The following DAB1 variants were observed in gnomAD, a reference collection of about 807,000 sequenced individuals.
DAB1 encodes disabled homolog 1.
Under a neutral mutation model 64.6 loss-of-function variants are expected in DAB1, and 15 were observed. The ratio of observed to expected loss-of-function variants is 0.23; its 90% CI spans 0.16 to 0.36. DAB1 has a LOEUF of 0.36. DAB1 is among the 10% of genes least tolerant of loss of function. DAB1 has a pLI of 1.00. For missense variants in DAB1, 596 were observed against 706.7 expected, an observed-to-expected ratio of 0.84 and a Z score of 1.78; for synonymous variants, 235 against 251.9, an observed-to-expected ratio of 0.93 and a Z score of 0.64.
intron 3 of DAB1, among the ~76,000 whole-genome samples, chr1:58,479,080 T>G (rs182026003): frequency 1.3e-5 from 2 of 152,340 alleles, no homozygotes; most frequent in African/African-American, 4.8e-5. Flanking sequence ...CTTTCTGACA[T>G]GGTGTCAACT....
chr1:58,481,273 T>C, intron 3 of DAB1: 2 of 448,824 alleles, frequency 4.5e-6, no homozygotes, highest in Non-Finnish European at 3.8e-6. Flanking sequence ...AAACAAAGAA[T>C]GTATTGTTAT....
At chr1:58,337,240 C>G (rs1663139455) in intron 4 of DAB1, among the ~76,000 whole-genome samples, 1 of 150,780 alleles carries the variant, frequency 6.6e-6, no homozygotes, top group African/African-American at 2.4e-5. Context: ...AGAGATCATG[C>G]CACTGCACTC....
chr1:57,026,433 G>T (rs1646791257), intron 9 of DAB1, among the ~76,000 whole-genome samples: 1 of 152,118 alleles, frequency 6.6e-6, no homozygotes, highest in South Asian at 2.1e-4. Context: ...CATACAACTT[G>T]CCTTCCATGT....
intron 14 of DAB1, among the ~76,000 whole-genome samples, chr1:57,010,222 A>T (rs1233337942): frequency 6.6e-6 from 1 of 152,142 alleles, no homozygotes; most frequent in Admixed American, 6.5e-5. Flanking sequence ...CTCACTGAGA[A>T]ATTATCAGGG....
chr1:57,107,596 A>G (rs1345202810), intron 4 of DAB1, among the ~76,000 whole-genome samples: 1 of 152,038 alleles, frequency 6.6e-6, no homozygotes, highest in Non-Finnish European at 1.5e-5. Flanking sequence ...AAAAGCTTGG[A>G]TCAGTCCAGA....
intron 6 of DAB1, among the ~76,000 whole-genome samples, chr1:57,740,043 C>CAAAAAAAAAA (rs1647904135): frequency 1.5e-5 from 1 of 64,848 alleles, no homozygotes; most frequent in Non-Finnish European, 3.2e-5. Context: ...ACTACTACTA[C>CAAAAAAAAAA]TACAAAAAAA....
chr1:58,056,424 C>A (rs781319989), intron 5 of DAB1: 10 of 1,554,846 alleles, frequency 6.4e-6, no homozygotes, highest in Admixed American at 1.7e-5. Context: ...AGCGAATAGG[C>A]TGCACGTGGC....
At chr1:57,868,258 C>A (rs1005685879) in intron 1 of DAB1, among the ~76,000 whole-genome samples, 1 of 152,092 alleles carries the variant, frequency 6.6e-6, no homozygotes, top group Non-Finnish European at 1.5e-5. Flanking sequence ...ATAAGCTCTG[C>A]GTGGTTTTGA....
chr1:57,178,927 A>C (rs950594044), intron 2 of DAB1, among the ~76,000 whole-genome samples: 3 of 152,132 alleles, frequency 2.0e-5, no homozygotes, highest in African/African-American at 7.2e-5. Flanking sequence ...ATAGGTGAAA[A>C]TGATATGCAA....
At chr1:57,951,310 C>A (rs1645271027) in intron 5 of DAB1, among the ~76,000 whole-genome samples, 1 of 60,996 alleles carries the variant, frequency 1.6e-5, no homozygotes, top group African/African-American at 6.9e-5. Flanking sequence ...GGAAGAGGAG[C>A]CTGATTCATA....
chr1:58,380,362 C>A (rs1644375561), intron 3 of DAB1, among the ~76,000 whole-genome samples: 1 of 152,212 alleles, frequency 6.6e-6, no homozygotes, highest in Admixed American at 6.5e-5. Flanking sequence ...TCCCATTCAC[C>A]TTCCATCACG....
intron 5 of DAB1, among the ~76,000 whole-genome samples, chr1:58,083,262 T>A (rs1650107468): frequency 6.6e-6 from 1 of 152,194 alleles, no homozygotes; most frequent in African/African-American, 2.4e-5. Context: ...ACAACAGATT[T>A]CATTTGTTCA....
At chr1:57,503,175 G>A (rs1296710233) in intron 7 of DAB1, among the ~76,000 whole-genome samples, 2 of 152,268 alleles carry the variant, frequency 1.3e-5, no homozygotes, top group South Asian at 2.1e-4. Context: ...TGCTTTATTG[G>A]CAAACTCAAG....
At chr1:57,677,510 C>T (rs1272844257) in intron 6 of DAB1, among the ~76,000 whole-genome samples, 1 of 152,202 alleles carries the variant, frequency 6.6e-6, no homozygotes, top group African/African-American at 2.4e-5. Context: ...TTTCTGCATT[C>T]CAGGCCTTCC....
chr1:58,059,315 T>C (rs1328789966), intron 5 of DAB1, among the ~76,000 whole-genome samples: 1 of 152,218 alleles, frequency 6.6e-6, no homozygotes, highest in Non-Finnish European at 1.5e-5. Context: ...CTGCAACCCA[T>C]GTACCTCAGT....
chr1:58,266,708 C>T (rs1661171606), intron 4 of DAB1, among the ~76,000 whole-genome samples: 1 of 152,136 alleles, frequency 6.6e-6, no homozygotes, highest in South Asian at 2.1e-4. Context: ...AACCAAGGAG[C>T]AGAGAATTGG....
intron 4 of DAB1, among the ~76,000 whole-genome samples, chr1:58,274,688 G>T (rs1357431300): frequency 6.6e-6 from 1 of 152,210 alleles, no homozygotes; most frequent in Non-Finnish European, 1.5e-5. Context: ...TCAGAGCCAG[G>T]TGTGGGATAT....
intron 7 of DAB1, among the ~76,000 whole-genome samples, chr1:57,436,884 C>T (rs1001594854): frequency 5.3e-5 from 8 of 151,874 alleles, no homozygotes; most frequent in East Asian, 1.9e-4. Flanking sequence ...AAAAATTACC[C>T]GGATGTGGTG....
chr1:57,064,121 T>C (rs1650676616), intron 8 of DAB1, among the ~76,000 whole-genome samples: 1 of 152,256 alleles, frequency 6.6e-6, no homozygotes, highest in African/African-American at 2.4e-5. Context: ...TCTTTTGGGC[T>C]TGAGCTAGCT....
Sources: allele counts gnomAD v4.1 joint callset (sites outside exome capture counted in the v4.1 genomes callset), GRCh38; gene constraint gnomAD v4.1.1; transcripts MANE v1.5; gene names NCBI Gene and HGNC (gene_info 2026-07-23, HGNC 2026-07-21).